Variants in NAV3 observed in about 807,000 individuals in gnomAD.
NAV3 encodes pore membrane and/or filament interacting like protein 1.
NAV3 carries 87 observed loss-of-function variants against 244.7 expected under a neutral mutation model. The ratio of observed to expected loss-of-function variants is 0.36; its 90% confidence interval spans 0.30 to 0.42. The LOEUF (loss-of-function observed/expected upper bound fraction) is 0.42. Among genes scored for constraint, NAV3 ranks in the 20% least tolerant of loss-of-function variants. The probability of loss-of-function intolerance (pLI) is 1.00; values close to 1 mark genes in which losing one functional copy is unlikely to be tolerated. For synonymous variants in NAV3, 1,126 were observed against 1,042.2 expected, an observed-to-expected ratio of 1.08 and a Z score of -1.55; for missense variants, 2,663 against 2,893.3, an observed-to-expected ratio of 0.92 and a Z score of 1.83.
intron 9 of NAV3, among the ~76,000 whole-genome samples, chr12:78,042,688 C>T (rs1200992113): frequency 6.6e-6 from 1 of 152,068 alleles, no homozygotes; most frequent in East Asian, 1.9e-4. Context: ...ACTTGAGAGG[C>T]CGAAGCAGGG....
chr12:77,652,570 G>GA (rs1872876090), intron 2 of NAV3, among the ~76,000 whole-genome samples: 1 of 151,940 alleles, frequency 6.6e-6, no homozygotes, highest in Non-Finnish European at 1.5e-5. Flanking sequence ...GTAATACCAA[G>GA]AAAAAAATCA....
At position 77,607,298 on chromosome 12, in the gene NAV3, T is replaced by A. The variant is rs1354584337; in HGVS notation, c.72+35032T>A. On this transcript the variant is annotated intron_variant, in intron 2 of 8. Coordinates refer to the NAV3 transcript ENST00000550042. ...CTATAATTTAGGAAGAATCTTCTAC[T>A]ACCCTAGACCCTACCGGGCTATCCC... is the stretch of plus-strand genomic sequence containing the variant. Among the ~76,000 whole-genome samples the A allele has an allele frequency of 2.0e-5, 3 of 152,110 alleles. No individual in the cohort carries two copies. In the East Asian group the frequency reaches 5.8e-4, roughly 29 times the overall value.
intron 2 of NAV3, among the ~76,000 whole-genome samples, chr12:77,731,558 C>T (rs1016945864): frequency 3.3e-5 from 5 of 151,836 alleles, no homozygotes; most frequent in African/African-American, 4.8e-5. Flanking sequence ...AAAACTAAGA[C>T]TAAGAGAGAG....
At chr12:77,715,824 G>T (rs1007782185) in intron 2 of NAV3, among the ~76,000 whole-genome samples, 2 of 151,784 alleles carry the variant, frequency 1.3e-5, no homozygotes, top group Non-Finnish European at 2.9e-5. Context: ...GTAAAAAAAA[G>T]TTATTGTAGC....
chr12:78,140,625 T>A (rs1956567870), intron 20 of NAV3, among the ~76,000 whole-genome samples: 2 of 152,192 alleles, frequency 1.3e-5, no homozygotes, highest in Admixed American at 1.3e-4. Flanking sequence ...ACTTGGAGTC[T>A]CTGAAACCAT....
At chr12:78,008,589 G>A (rs537168494) in intron 8 of NAV3, among the ~76,000 whole-genome samples, 132 of 152,096 alleles carry the variant, frequency 8.7e-4, no homozygotes, top group Non-Finnish European at 1.6e-3. Context: ...AAACTATATA[G>A]TTTAAAATTT....
At chr12:77,991,216 G>C (rs967525346) in intron 5 of NAV3, among the ~76,000 whole-genome samples, 1 of 151,916 alleles carries the variant, frequency 6.6e-6, no homozygotes, top group African/African-American at 2.4e-5. Context: ...AGTAGAGATG[G>C]GGTTTCACCA....
At chr12:78,082,793 G>A (rs1354132764) in intron 12 of NAV3, among the ~76,000 whole-genome samples, 1 of 152,066 alleles carries the variant, frequency 6.6e-6, no homozygotes, top group East Asian at 1.9e-4. Context: ...ATAATCCACT[G>A]TTGGCTGAAT....
At chr12:77,817,334 A>C (rs1161666921) in intron 2 of NAV3, among the ~76,000 whole-genome samples, 1 of 152,228 alleles carries the variant, frequency 6.6e-6, no homozygotes, top group Non-Finnish European at 1.5e-5. Flanking sequence ...CTTCTATTGA[A>C]TATTCTGCAG....
chr12:77,617,976 G>A (rs1300881628), intron 2 of NAV3, among the ~76,000 whole-genome samples: 1 of 152,210 alleles, frequency 6.6e-6, no homozygotes, highest in East Asian at 1.9e-4. Flanking sequence ...AAACAACCAT[G>A]AGAAAGCAGG....
chr12:78,032,907 T>C (rs148444246), intron 9 of NAV3, among the ~76,000 whole-genome samples: 142 of 152,266 alleles, frequency 9.3e-4, no homozygotes, highest in African/African-American at 3.1e-3. Context: ...AGGTTCACAC[T>C]TGCCCTTTTT....
intron 5 of NAV3, among the ~76,000 whole-genome samples, chr12:77,975,850 G>C (rs1868332962): frequency 6.6e-6 from 1 of 152,208 alleles, no homozygotes; most frequent in Non-Finnish European, 1.5e-5. Context: ...AAATGAAGTG[G>C]TCATATTGGC....
At chr12:77,581,062 GC>G (rs1869340109) in intron 2 of NAV3, among the ~76,000 whole-genome samples, 1 of 152,256 alleles carries the variant, frequency 6.6e-6, no homozygotes, top group Middle Eastern at 3.4e-3. Flanking sequence ...GTTAAGGGAG[GC>G]TGGCCCAGGA....
intron 5 of NAV3, among the ~76,000 whole-genome samples, chr12:77,993,450 C>T (rs1431542843): frequency 6.6e-6 from 1 of 151,994 alleles, no homozygotes; most frequent in Non-Finnish European, 1.5e-5. Context: ...ATTATTATTA[C>T]TGAGGTAGTT....
intron 3 of NAV3, among the ~76,000 whole-genome samples, chr12:77,961,443 A>G (rs1218238488): frequency 1.6e-5 from 2 of 123,660 alleles, no homozygotes; most frequent in African/African-American, 6.1e-5. Flanking sequence ...TATGTCTCAT[A>G]CATGTAATAT....
chr12:78,123,778 C>G (rs186566024), intron 16 of NAV3, among the ~76,000 whole-genome samples: 1 of 152,152 alleles, frequency 6.6e-6, no homozygotes, highest in Admixed American at 6.5e-5. Context: ...AACCATTTCC[C>G]TATGGTTTTG....
chr12:78,146,976 G>T (rs994405727), intron 21 of NAV3, among the ~76,000 whole-genome samples: 1 of 152,020 alleles, frequency 6.6e-6, no homozygotes. Flanking sequence ...CATTTGTCCT[G>T]GTCAAAGAGA....
Position 77,707,048 on chromosome 12 carries a change from CTTT to C in NAV3, c.72+134788_72+134790del, listed in dbSNP as rs541988750. On this transcript the variant is annotated intron_variant, in intron 2 of 8. Coordinates refer to the NAV3 transcript ENST00000550042. ...TTCAAGACCCAGCTTGAATTGCTAC[CTTT>C]TTTTTCTTTCTTTCTTTCTTTCTTT... is the stretch of plus-strand genomic sequence containing the variant. 8.0e-3 allele frequency among the ~76,000 whole-genome samples: 1,216 copies of C among 151,150 alleles called. 5 individuals are homozygous for C. Among genetic ancestry groups the C allele is most frequent in the Non-Finnish European group, 0.013 (878 of 67,732 alleles).
chr12:78,128,190 G>A (rs964172585), intron 17 of NAV3, among the ~76,000 whole-genome samples: 2 of 150,162 alleles, frequency 1.3e-5, no homozygotes, highest in South Asian at 2.1e-4. Flanking sequence ...CCAGTAAAGC[G>A]AGCACATCTC....
Sources: allele counts gnomAD v4.1 joint callset (sites outside exome capture counted in the v4.1 genomes callset), GRCh38; gene constraint gnomAD v4.1.1; transcripts MANE v1.5; gene names NCBI Gene and HGNC (gene_info 2026-07-23, HGNC 2026-07-21).